The following PLCH1 variants were observed in gnomAD, a reference collection of about 807,000 sequenced individuals.
PLCH1 encodes the protein phospholipase C eta 1, also known as 1-phosphatidylinositol 4,5-bisphosphate phosphodiesterase eta-1.
A neutral mutation model predicts 126.7 loss-of-function variants in PLCH1; 60 were observed. That is an observed-to-expected ratio of 0.47 (90% CI 0.38 to 0.59). The LOEUF is 0.59. Among genes scored for constraint, PLCH1 ranks in the 20% least tolerant of loss-of-function variants. The probability of loss-of-function intolerance (pLI) is 0.00; values close to 1 mark genes in which losing one functional copy is unlikely to be tolerated. For synonymous variants in PLCH1, 719 were observed against 734.9 expected (o/e 0.98, Z 0.35); for missense variants, 1,723 against 2,040.0 (o/e 0.84, Z 2.99).
chr3:155,457,740 A>G (rs1712487046), intron 21 of PLCH1: 1 of 152,202 alleles, frequency 6.6e-6, no homozygotes, highest in Non-Finnish European at 1.5e-5. Context: ...CTATATTAAA[A>G]TTGCTTCTTC....
rs1458841224 is a variant in PLCH1 at position 155,471,431 on chromosome 3, T to C, written c.2938+13925A>G. ...GGAGCACCCAGATTCATAAAGCAAG[T>C]CCTGAGTGACCTACAAAGAGACTTA... On this transcript the variant is annotated intron_variant, in intron 21 of 21. Transcript: ENST00000494598. Among the ~76,000 whole-genome samples, 4 of 149,662 alleles carry C rather than the reference T, an allele frequency of 2.7e-5. No homozygotes were observed. The Admixed American group carries it at 2.7e-4, about 10-fold the overall frequency.
chr3:155,506,285 AC>A (rs1718675974), intron 12 of PLCH1, among the ~76,000 whole-genome samples: 1 of 151,804 alleles, frequency 6.6e-6, no homozygotes, highest in East Asian at 1.9e-4. Context: ...CTGTCTAGCT[AC>A]AAGTCCTCTC....
chr3:155,743,823 G>T, intron 1 of PLCH1: 1 of 218,652 alleles, frequency 4.6e-6, no homozygotes, highest in Non-Finnish European at 9.3e-6. Context: ...GCACAGATTT[G>T]TTCTTGTAAC....
chr3:155,727,806 C>G lies in PLCH1; in HGVS notation c.-41+17034G>C, dbSNP rs1223534084. Among the ~76,000 whole-genome samples the G allele has an allele frequency of 2.0e-5, 3 of 149,158 alleles. No homozygotes were observed. The South Asian group carries it at 6.4e-4, about 32-fold the overall frequency. On this transcript the variant is annotated intron_variant, in intron 1 of 22. Coordinates refer to ENST00000460012, the MANE Select transcript of PLCH1 (RefSeq NM_014996.4). ...GGTTTACAATCACAAATTCTCAGGACCAAGAAATCAGGCACCTGCTCTACA... is the reference window on the plus strand; with the variant it reads ...GGTTTACAATCACAAATTCTCAGGAGCAAGAAATCAGGCACCTGCTCTACA...
intron 1 of PLCH1, among the ~76,000 whole-genome samples, chr3:155,712,909 A>C (rs1747244258): frequency 6.6e-6 from 1 of 151,444 alleles, no homozygotes; most frequent in South Asian, 2.1e-4. Context: ...ATAAAAACCA[A>C]TACTCCCTTT....
intron 2 of PLCH1, among the ~76,000 whole-genome samples, chr3:155,597,393 C>T (rs897727675): frequency 2.0e-5 from 3 of 152,174 alleles, no homozygotes; most frequent in Non-Finnish European, 4.4e-5. Flanking sequence ...ATCCCATTTT[C>T]CCCTTGATTC....
intron 21 of PLCH1, among the ~76,000 whole-genome samples, chr3:155,472,142 G>C (rs1178933270): frequency 6.6e-6 from 1 of 152,016 alleles, no homozygotes; most frequent in Non-Finnish European, 1.5e-5. Context: ...TCCAGGAGCT[G>C]GTTTTTTGAA....
intron 2 of PLCH1, among the ~76,000 whole-genome samples, chr3:155,653,943 GA>G (rs1268353119): frequency 6.6e-6 from 1 of 151,446 alleles, no homozygotes; most frequent in Non-Finnish European, 1.5e-5. Flanking sequence ...TATCTTTAAG[GA>G]AAAACTCAAA....
chr3:155,497,426 T>A lies in PLCH1; in HGVS notation c.1797-9A>T. The A allele has an allele frequency of 6.3e-7, 1 of 1,581,976 alleles. No homozygotes were observed. The highest frequency in any genetic ancestry group is 8.7e-7 in the Non-Finnish European group (1 of 1,150,932). On this transcript the variant is annotated splice_polypyrimidine_tract_variant and intron_variant, in intron 14 of 22. Coordinates refer to ENST00000460012, the MANE Select transcript of PLCH1 (RefSeq NM_014996.4). ...TCCTTCGGCGACCCAATCTGTGAAG[T>A]ACCCACAGAGGATGCATGACATTTT...
intron 6 of PLCH1, among the ~76,000 whole-genome samples, chr3:155,575,839 A>C (rs1488893957): frequency 6.6e-6 from 1 of 151,942 alleles, no homozygotes; most frequent in Non-Finnish European, 1.5e-5. Context: ...GTTTAAGAGA[A>C]GGGGTCTCAC....
In PLCH1 at chr3:155,481,215, C is replaced by A; in HGVS notation, c.4811G>T (p.Gly1604Val). The A allele has an allele frequency of 1.4e-5, 23 of 1,614,216 alleles. No homozygotes were observed. The highest frequency in any genetic ancestry group is 1.9e-5 in the Non-Finnish European group (23 of 1,180,030). The stretch of plus-strand genomic sequence containing the variant: ...TGAGGGTTTGTTTCTAAGAACCACT[C>A]CTGCCCCATTGCTGGGGTTTGGAAC... ...QKVPNPSNGA[G>V]VVLRNKPSAP... The change falls in exon 23 of 23, where the codon GGA (glycine) becomes GTA (valine). Residue 1604 changes from glycine to valine, a missense_variant. By Grantham distance (109) the Gly-to-Val change is moderately radical. Transcript: ENST00000460012. This position sits in a 1 kb window ranked among gnomAD's most constrained non-coding sequence, Gnocchi z 4.2.
At chr3:155,469,846 T>C (rs371553859) in intron 21 of PLCH1, among the ~76,000 whole-genome samples, 57 of 145,056 alleles carry the variant, frequency 3.9e-4, no homozygotes, top group Admixed American at 7.6e-4. Flanking sequence ...GGTATTCCAA[T>C]AGACCTGCAG....
intron 2 of PLCH1, among the ~76,000 whole-genome samples, chr3:155,597,746 T>C (rs1733166315): frequency 6.6e-6 from 1 of 152,190 alleles, no homozygotes; most frequent in South Asian, 2.1e-4. Flanking sequence ...ATTTACTCCA[T>C]GAAGTCTTTC....
intron 8 of PLCH1, among the ~76,000 whole-genome samples, chr3:155,558,203 A>T (rs1247764664): frequency 6.6e-6 from 1 of 152,254 alleles, no homozygotes. Context: ...ATACTGTAGA[A>T]TCATTCTTCT....
At chr3:155,661,524 C>A (rs1742143962) in intron 2 of PLCH1, among the ~76,000 whole-genome samples, 1 of 152,186 alleles carries the variant, frequency 6.6e-6, no homozygotes, top group Non-Finnish European at 1.5e-5. Flanking sequence ...CCAAATCCTT[C>A]AGTGCCTTCA....
rs371805910 is a variant in PLCH1 at position 155,497,295 on chromosome 3, G to A, written c.1894+25C>T. ...AGGTCAAGAATGTTTATTCAGAGCA[G>A]AATGAGAAAACTCTCCATCCTTACC... On this transcript the variant is annotated intron_variant, in intron 15 of 22. Transcript: ENST00000460012. The A allele has an allele frequency of 1.1e-5, 16 of 1,439,410 alleles. No individual in the cohort carries two copies. The South Asian group carries it at 1.6e-4, about 15-fold the overall frequency. 89.2% of individuals were successfully genotyped at this position (1,439,410 alleles called of 1,614,324 possible).
At chr3:155,516,345 T>C (rs1327165718) in intron 11 of PLCH1, among the ~76,000 whole-genome samples, 1 of 152,234 alleles carries the variant, frequency 6.6e-6, no homozygotes, top group Non-Finnish European at 1.5e-5. Flanking sequence ...GAAGTGATTG[T>C]AACTCATTGT....
intron 10 of PLCH1, among the ~76,000 whole-genome samples, chr3:155,528,152 A>G (rs997646640): frequency 3.4e-5 from 5 of 148,894 alleles, no homozygotes; most frequent in African/African-American, 9.9e-5. Flanking sequence ...TGAACCCAGG[A>G]GGCGGAGGTT....
intron 2 of PLCH1, among the ~76,000 whole-genome samples, chr3:155,620,905 A>T (rs894928719): frequency 2.6e-5 from 4 of 152,004 alleles, no homozygotes; most frequent in Non-Finnish European, 5.9e-5. Context: ...CAGTGTTTGA[A>T]CTCTGATAAG....
Sources: allele counts gnomAD v4.1 joint callset (sites outside exome capture counted in the v4.1 genomes callset), GRCh38; gene constraint gnomAD v4.1.1; non-coding constraint Gnocchi (gnomAD v3.1); transcripts MANE v1.5; gene names NCBI Gene and HGNC (gene_info 2026-07-23, HGNC 2026-07-21).